XKR4: variants seen among roughly 807,000 people sequenced by gnomAD.
XKR4 encodes the protein XK related 4.
A neutral mutation model predicts 53.9 loss-of-function variants in XKR4; 12 were observed. The ratio of observed to expected loss-of-function variants is 0.22; its 90% CI spans 0.14 to 0.36. XKR4 has a LOEUF of 0.36. Ranked by LOEUF, XKR4 falls within the 10% of genes least tolerant of loss-of-function variation. The pLI is 1.00. For missense variants in XKR4, 799 were observed against 859.5 expected, an observed-to-expected ratio of 0.93 and a Z score of 0.88; for synonymous variants, 354 against 362.4, an observed-to-expected ratio of 0.98 and a Z score of 0.26.
intron 1 of XKR4, among the ~76,000 whole-genome samples, chr8:55,243,204 C>T (rs1585962498): frequency 6.6e-6 from 1 of 152,150 alleles, no homozygotes; most frequent in South Asian, 2.1e-4. Context: ...CACCCAGAGT[C>T]CATAGTTTAC....
At chr8:55,163,317 T>C (rs1391202542) in intron 1 of XKR4, among the ~76,000 whole-genome samples, 1 of 152,176 alleles carries the variant, frequency 6.6e-6, no homozygotes, top group Non-Finnish European at 1.5e-5. Context: ...TAGATCGCAT[T>C]TAGGTAAGGG....
intron 1 of XKR4, among the ~76,000 whole-genome samples, chr8:55,292,087 T>C (rs752454249): frequency 1.6e-4 from 25 of 152,292 alleles, no homozygotes; most frequent in African/African-American, 5.1e-4. Flanking sequence ...GTGAATATTT[T>C]GTTAAAGATT....
At chr8:55,252,663 C>T (rs1205172556) in intron 1 of XKR4, among the ~76,000 whole-genome samples, 1 of 152,230 alleles carries the variant, frequency 6.6e-6, no homozygotes, top group Non-Finnish European at 1.5e-5. Context: ...CCCCAGGATA[C>T]ACTGCCTCGA....
chr8:55,482,591 A>G (rs1483280059), intron 2 of XKR4, among the ~76,000 whole-genome samples: 1 of 151,984 alleles, frequency 6.6e-6, no homozygotes, highest in East Asian at 1.9e-4. Context: ...ACAACTGCAA[A>G]CCTGAATAGA....
intron 1 of XKR4, among the ~76,000 whole-genome samples, chr8:55,287,994 G>C (rs1476344030): frequency 6.6e-6 from 1 of 152,094 alleles, no homozygotes; most frequent in Admixed American, 6.5e-5. Context: ...TCCAACCCAT[G>C]GCCTGACACA....
At chr8:55,377,228 G>A (rs534114223) in intron 2 of XKR4, among the ~76,000 whole-genome samples, 47 of 152,246 alleles carry the variant, frequency 3.1e-4, no homozygotes, top group African/African-American at 1.1e-3. Flanking sequence ...ACTTTCACCT[G>A]TGGTGCACTC....
intron 1 of XKR4, among the ~76,000 whole-genome samples, chr8:55,294,508 T>C (rs749889907): frequency 3.7e-4 from 56 of 152,134 alleles, no homozygotes; most frequent in Non-Finnish European, 1.3e-4. Flanking sequence ...AGAAAAGCCT[T>C]GGTGCACAGG....
intron 1 of XKR4, chr8:55,164,163 C>G (rs1241912878): frequency 2.2e-5 from 10 of 456,476 alleles, no homozygotes; most frequent in Non-Finnish European, 4.0e-5. Context: ...CCAAGCGCCA[C>G]TGGCCTGGCC....
At chr8:55,287,771 T>G (rs779358840) in intron 1 of XKR4, among the ~76,000 whole-genome samples, 8 of 152,220 alleles carry the variant, frequency 5.3e-5, no homozygotes, top group Non-Finnish European at 1.0e-4. Context: ...TTTGGGGCTT[T>G]GCTCTGGGGA....
rs1431351521 is a variant in XKR4 at position 55,534,089 on chromosome 8, ATCTG to A, written c.*9867_*9870del. On this transcript the variant is annotated 3_prime_UTR_variant, in exon 3 of 3. Transcript: ENST00000327381. ...TGCACTGTCATCTGTTGAATAATTG[ATCTG>A]TCTGAGTACAGTTGCTGCTTTTATT... is the stretch of plus-strand genomic sequence containing the variant. 4.6e-5 allele frequency: 7 copies of A among 152,218 alleles called. No homozygotes were observed. Among genetic ancestry groups the A allele is most frequent in the South Asian group, 2.1e-4 (1 of 4,818 alleles). The allele number at this position is 152,218 out of a possible 1,614,324, so 9.4% of individuals were successfully genotyped here. A position where few individuals can be genotyped will look rare whatever the true frequency, so the allele number is the denominator to read the frequency against.
chr8:55,514,462 G>A (rs1806682840), intron 2 of XKR4, among the ~76,000 whole-genome samples: 1 of 151,942 alleles, frequency 6.6e-6, no homozygotes, highest in African/African-American at 2.4e-5. Flanking sequence ...TCACCACGTT[G>A]GCCAGACTGG....
intron 1 of XKR4, among the ~76,000 whole-genome samples, chr8:55,144,310 TGTCTTG>T (rs927585001): frequency 7.2e-5 from 11 of 152,048 alleles, no homozygotes; most frequent in African/African-American, 2.7e-4. Flanking sequence ...AACCCAGGGA[TGTCTTG>T]GTCTGGGTTT....
rs1339709773 is a variant in XKR4 at position 55,533,752 on chromosome 8, A to G, written c.*9525A>G. Reference sequence around the variant, plus strand: ...CAAATTCTTGACTTGTAATATTGTAACCAAGCTCCTGCAAGGGAACATTAA... The same window carrying G: ...CAAATTCTTGACTTGTAATATTGTAGCCAAGCTCCTGCAAGGGAACATTAA... On this transcript the variant is annotated 3_prime_UTR_variant, in exon 3 of 3. Coordinates refer to ENST00000327381, the MANE Select transcript of XKR4 (RefSeq NM_052898.2). 5.9e-5 allele frequency: 9 copies of G among 152,194 alleles called. No homozygotes were observed. Among genetic ancestry groups the G allele is most frequent in the Admixed American group, 5.2e-4 (8 of 15,282 alleles). The allele number at this position is 152,194 out of a possible 1,614,324, so 9.4% of individuals were successfully genotyped here.
chr8:55,416,331 G>A (rs1485414378), intron 2 of XKR4, among the ~76,000 whole-genome samples: 1 of 152,208 alleles, frequency 6.6e-6, no homozygotes, highest in Non-Finnish European at 1.5e-5. Flanking sequence ...GTCTGGATTA[G>A]CATAGAAAGT....
intron 1 of XKR4, chr8:55,164,033 G>A (rs538165664): frequency 8.6e-5 from 29 of 339,004 alleles, no homozygotes; most frequent in African/African-American, 2.6e-4. Flanking sequence ...CACATCCCTC[G>A]CACACATGCA....
intron 1 of XKR4, among the ~76,000 whole-genome samples, chr8:55,310,949 C>T (rs925455933): frequency 6.6e-6 from 1 of 152,218 alleles, no homozygotes; most frequent in East Asian, 1.9e-4. Flanking sequence ...TCACCCTCAG[C>T]ATCATCTCCA....
chr8:55,342,514 C>G (rs910110527), intron 1 of XKR4, among the ~76,000 whole-genome samples: 2 of 152,138 alleles, frequency 1.3e-5, no homozygotes, highest in African/African-American at 4.8e-5. Context: ...CCACCATGCC[C>G]TATGTGATCA....
intron 2 of XKR4, among the ~76,000 whole-genome samples, chr8:55,496,293 C>T (rs1263769393): frequency 6.6e-6 from 1 of 152,202 alleles, no homozygotes; most frequent in Non-Finnish European, 1.5e-5. Flanking sequence ...CTTATTCACC[C>T]TGGCTGCCAA....
intron 1 of XKR4, among the ~76,000 whole-genome samples, chr8:55,289,582 A>G (rs1818955133): frequency 2.3e-5 from 2 of 86,730 alleles, no homozygotes; most frequent in African/African-American, 8.0e-5. Context: ...AGAGAAAGGA[A>G]GAAAGAAAGA....
Sources: allele counts gnomAD v4.1 joint callset (sites outside exome capture counted in the v4.1 genomes callset), GRCh38; gene constraint gnomAD v4.1.1; transcripts MANE v1.5; gene names NCBI Gene and HGNC (gene_info 2026-07-23, HGNC 2026-07-21).